Variants in TRHDE observed in about 807,000 individuals in gnomAD.
TRHDE encodes thyrotropin-releasing hormone-degrading ectoenzyme.
TRHDE carries 72 observed loss-of-function variants against 125.7 expected under a neutral mutation model. The observed-to-expected ratio is 0.57, with a 90% CI of 0.47 to 0.70. The LOEUF (loss-of-function observed/expected upper bound fraction) is 0.70, where lower values mean the gene tolerates loss of function less well. Among genes scored for constraint, TRHDE ranks in the 30% least tolerant of loss-of-function variants. The probability of loss-of-function intolerance (pLI) is 0.00; values close to 1 mark genes in which losing one functional copy is unlikely to be tolerated. For synonymous variants in TRHDE, 509 were observed against 509.1 expected, an observed-to-expected ratio of 1.00 and a Z score of 0.00; for missense variants, 1,110 against 1,327.1, an observed-to-expected ratio of 0.84 and a Z score of 2.54.
intron 2 of TRHDE, among the ~76,000 whole-genome samples, chr12:72,205,376 TATAAC>T (rs1877644331): frequency 6.6e-6 from 1 of 151,384 alleles, no homozygotes; most frequent in Non-Finnish European, 1.5e-5. Flanking sequence ...CTAAAAAACA[TATAAC>T]ATAAACTTAT....
intron 4 of TRHDE, 118 bp from the exon 5 acceptor site, chr12:72,472,949 A>G: frequency 1.2e-6 from 1 of 825,904 alleles, no homozygotes; most frequent in Non-Finnish European, 1.9e-6. Flanking sequence ...AGATCACAAA[A>G]TCAACTGGGG....
chr12:72,285,918 C>A (rs745555499), intron 1 of TRHDE, among the ~76,000 whole-genome samples: 7 of 152,122 alleles, frequency 4.6e-5, no homozygotes, highest in African/African-American at 1.7e-4. Flanking sequence ...TAATAAGATA[C>A]GGCTTGATCT....
chr12:72,301,841 AT>A (rs1333313826), intron 2 of TRHDE, among the ~76,000 whole-genome samples: 1 of 152,102 alleles, frequency 6.6e-6, no homozygotes, highest in Non-Finnish European at 1.5e-5. Context: ...ATGAGCACAG[AT>A]GGTTAAATGG....
intron 3 of TRHDE, among the ~76,000 whole-genome samples, chr12:72,448,137 T>A (rs1183751120): frequency 1.3e-5 from 2 of 152,040 alleles, no homozygotes; most frequent in Admixed American, 6.6e-5. Context: ...TTTTTGTGCT[T>A]TATGGATTAG....
chr12:72,318,365 T>C (rs1248812326), intron 2 of TRHDE, among the ~76,000 whole-genome samples: 1 of 152,146 alleles, frequency 6.6e-6, no homozygotes, highest in African/African-American at 2.4e-5. Context: ...CATAACCTTG[T>C]AATTGGTAAA....
At chr12:72,621,947 A>G (rs1873072136) in intron 15 of TRHDE, among the ~76,000 whole-genome samples, 196 bp downstream of exon 15, 1 of 152,154 alleles carries the variant, frequency 6.6e-6, no homozygotes, top group Non-Finnish European at 1.5e-5. Context: ...GAAATGTTTC[A>G]TTGACTTTAT....
chr12:72,208,977 A>G (rs776072654), intron 2 of TRHDE, among the ~76,000 whole-genome samples: 1 of 152,152 alleles, frequency 6.6e-6, no homozygotes, highest in African/African-American at 2.4e-5. Context: ...TATGCCATAG[A>G]TAATCCCTGC....
At chr12:72,613,110 G>GAAAGGGATTTCTAA (rs1487733078) in intron 12 of TRHDE, among the ~76,000 whole-genome samples, 2 of 152,160 alleles carry the variant, frequency 1.3e-5, no homozygotes, top group Non-Finnish European at 2.9e-5. Context: ...CTGACTAGGA[G>GAAAGGGATTTCTAA]AAAGGGATTT....
chr12:72,299,587 G>GA (rs1880429345), intron 2 of TRHDE, among the ~76,000 whole-genome samples: 1 of 152,112 alleles, frequency 6.6e-6, no homozygotes, highest in South Asian at 2.1e-4. Context: ...GAAATATTGG[G>GA]AAAATCTGTC....
intron 2 of TRHDE, among the ~76,000 whole-genome samples, chr12:72,289,988 G>T (rs1266011149): frequency 1.3e-5 from 2 of 152,182 alleles, no homozygotes; most frequent in African/African-American, 2.4e-5. Context: ...AGGACTGTGC[G>T]TAGGAAAAAC....
At chr12:72,245,520 CTTTCTAGAAG>C (rs1347927022) in intron 2 of TRHDE, among the ~76,000 whole-genome samples, 1 of 152,048 alleles carries the variant, frequency 6.6e-6, no homozygotes, top group Non-Finnish European at 1.5e-5. Flanking sequence ...GTTTCATAGT[CTTTCTAGAAG>C]TTTCTTGTCT....
intron 3 of TRHDE, among the ~76,000 whole-genome samples, chr12:72,379,747 A>G (rs542811719): frequency 3.7e-4 from 56 of 152,312 alleles, no homozygotes; most frequent in South Asian, 6.2e-4. Flanking sequence ...TCATCTGTAG[A>G]AAAGAGCTTT....
intron 2 of TRHDE, among the ~76,000 whole-genome samples, chr12:72,339,691 A>T (rs1248337368): frequency 6.6e-6 from 1 of 152,196 alleles, no homozygotes; most frequent in Non-Finnish European, 1.5e-5. Flanking sequence ...TCAAAACAAA[A>T]TCAAATCATG....
At chr12:72,517,428 G>T in intron 6 of TRHDE, among the ~76,000 whole-genome samples, 1 of 152,078 alleles carries the variant, frequency 6.6e-6, no homozygotes, top group South Asian at 2.1e-4. Context: ...TAGTTTATTT[G>T]CATAGAGGTG....
intron 18 of TRHDE, among the ~76,000 whole-genome samples, chr12:72,660,141 G>A (rs1266522103): frequency 6.6e-6 from 1 of 152,154 alleles, no homozygotes; most frequent in Admixed American, 6.5e-5. Context: ...AAAGCAGAGA[G>A]GGAAGGCAGC....
At chr12:72,466,537 G>T (rs1399752524) in intron 3 of TRHDE, among the ~76,000 whole-genome samples, 1 of 152,144 alleles carries the variant, frequency 6.6e-6, no homozygotes, top group Non-Finnish European at 1.5e-5. Flanking sequence ...TTCATATTTA[G>T]ACAAGGTGTT....
intron 5 of TRHDE, among the ~76,000 whole-genome samples, chr12:72,490,194 A>G (rs1004190264): frequency 1.3e-5 from 2 of 151,896 alleles, no homozygotes; most frequent in East Asian, 1.9e-4. Context: ...CATGTCTCCA[A>G]AAGAGACATA....
intron 2 of TRHDE, among the ~76,000 whole-genome samples, chr12:72,135,185 T>A (rs1446741255): frequency 6.6e-6 from 1 of 152,214 alleles, no homozygotes; most frequent in African/African-American, 2.4e-5. Context: ...CACTGAAGTG[T>A]CATTTTCCAG....
intron 3 of TRHDE, among the ~76,000 whole-genome samples, chr12:72,425,269 G>C (rs903952072): frequency 3.9e-5 from 6 of 152,088 alleles, no homozygotes; most frequent in African/African-American, 1.4e-4. Context: ...TTATTTTTCT[G>C]TTTGGTTCCA....
Sources: gnomAD v4.1 joint callset for allele counts (sites outside exome capture counted in the v4.1 genomes callset) on GRCh38, gnomAD v4.1.1 for gene constraint, MANE v1.5 for transcripts, NCBI Gene and HGNC (gene_info 2026-07-23, HGNC 2026-07-21) for gene names.